The following PCAT7 variants were observed in gnomAD, a reference collection of about 807,000 sequenced individuals.
PCAT7 encodes the protein prostate cancer associated transcript 7.
At position 94,566,323 on chromosome 9, in the gene PCAT7, G is replaced by C. The variant is rs560472855; in HGVS notation, n.442-6656G>C. On this transcript the variant is annotated intron_variant and non_coding_transcript_variant, in intron 2 of 8. Transcript: ENST00000647389. ...GAAGGTTTTGGGTTTACCGGAATGA[G>C]GGCAAGGAACACCTGGCCCGCCCAG... is the stretch of plus-strand genomic sequence containing the variant. 5.3e-4 allele frequency among the ~76,000 whole-genome samples: 80 copies of C among 152,352 alleles called. 1 individual carries two copies. In the South Asian group the frequency reaches 9.5e-3, roughly 18 times the overall value.
chr9:94,567,139 C>G, intron 2 of PCAT7: 2 of 832,024 alleles, frequency 2.4e-6, no homozygotes, highest in East Asian at 2.4e-5. Context: ...CAGAGTCCAT[C>G]ATCTTCATAC....
intron 1 of PCAT7, among the ~76,000 whole-genome samples, chr9:94,557,588 C>T (rs1827029849): frequency 6.6e-6 from 1 of 152,194 alleles, no homozygotes; most frequent in African/African-American, 2.4e-5. Flanking sequence ...CTGTATGCCC[C>T]ACCCTGCCCA....
At chr9:94,556,184 G>A (rs1464259396) in intron 1 of PCAT7, among the ~76,000 whole-genome samples, 1 of 151,108 alleles carries the variant, frequency 6.6e-6, no homozygotes, top group Admixed American at 6.6e-5. Context: ...CAGCAGTAGG[G>A]AAAAGGCTTT....
intron 2 of PCAT7, chr9:94,567,655 A>C (rs1406017707): frequency 4.5e-6 from 2 of 448,352 alleles, no homozygotes; most frequent in African/African-American, 3.9e-5. Context: ...GAAGCAGCCC[A>C]TAGTCTTCTT....
chr9:94,561,713 A>G (rs1827107201), intron 2 of PCAT7, among the ~76,000 whole-genome samples: 1 of 152,200 alleles, frequency 6.6e-6, no homozygotes, highest in South Asian at 2.1e-4. Context: ...ATACAGATGC[A>G]GACACACACA....
upstream of PCAT7, among the ~76,000 whole-genome samples, chr9:94,554,623 C>T (rs1237562125): frequency 6.7e-6 from 1 of 149,638 alleles, no homozygotes; most frequent in African/African-American, 2.4e-5. Context: ...CCAACCGCAG[C>T]GAGGCGAGCC....
intron 2 of PCAT7, chr9:94,570,091 TCTGTC>T (rs1477208410): frequency 6.6e-6 from 1 of 152,208 alleles, no homozygotes; most frequent in African/African-American, 2.4e-5. Flanking sequence ...ATCTCTTCCT[TCTGTC>T]ATGTTGACAA....
chr9:94,567,163 A>G, intron 2 of PCAT7: 1 of 1,139,586 alleles, frequency 8.8e-7, no homozygotes, highest in Non-Finnish European at 1.3e-6. Context: ...CCACAGCCAT[A>G]AACAGTGGCA....
At chr9:94,568,041 T>C (rs1827218063) in intron 2 of PCAT7, 1 of 149,708 alleles carries the variant, frequency 6.7e-6, no homozygotes, top group African/African-American at 2.5e-5. Context: ...GGCAGGAGAA[T>C]GGTGTGAACC....
chr9:94,563,460 T>C, intron 2 of PCAT7: 1 of 1,612,906 alleles, frequency 6.2e-7, no homozygotes, highest in Admixed American at 1.7e-5. Flanking sequence ...AGCACTGCCA[T>C]CCTAGAAGAC....
At chr9:94,564,001 G>A (rs1051595057) in intron 2 of PCAT7, among the ~76,000 whole-genome samples, 1 of 152,140 alleles carries the variant, frequency 6.6e-6, no homozygotes, top group African/African-American at 2.4e-5. Flanking sequence ...AGTCCTTAGA[G>A]ACCTTCAAAG....
chr9:94,571,628 T>C (rs747245526), intron 2 of PCAT7: 2 of 1,596,082 alleles, frequency 1.3e-6, no homozygotes, highest in Non-Finnish European at 1.7e-6. Flanking sequence ...ATAAATGCCA[T>C]GTGTTATTGT....
intron 2 of PCAT7, chr9:94,559,171 T>A (rs770942662): frequency 6.4e-7 from 1 of 1,574,662 alleles, no homozygotes; most frequent in Admixed American, 1.7e-5. Context: ...ACTCTGCAAG[T>A]GGCCAAATGT....
chr9:94,568,205 A>G (rs768770824), intron 2 of PCAT7: 1 of 152,036 alleles, frequency 6.6e-6, no homozygotes, highest in Non-Finnish European at 1.5e-5. Context: ...AGTTTCTGGT[A>G]TCCCACTCTT....
At chr9:94,573,436 T>C (rs1184606680) in intron 3 of PCAT7, among the ~76,000 whole-genome samples, 1 of 152,196 alleles carries the variant, frequency 6.6e-6, no homozygotes, top group African/African-American at 2.4e-5. Flanking sequence ...AGCTAATGTC[T>C]TTTTTGAGAT....
At chr9:94,559,842 G>A (rs1184436778) in intron 2 of PCAT7, among the ~76,000 whole-genome samples, 8 of 152,034 alleles carry the variant, frequency 5.3e-5, no homozygotes, top group Non-Finnish European at 8.8e-5. Context: ...CAGTAGTGCC[G>A]ACACAGAGAA....
At chr9:94,558,827 A>G in intron 1 of PCAT7, 1 of 991,964 alleles carries the variant, frequency 1.0e-6, no homozygotes, top group South Asian at 1.4e-5. Flanking sequence ...GTATGTGATT[A>G]AGTGGATTTA....
At position 94,570,127 on chromosome 9, in the gene PCAT7, CCA is replaced by C. The variant is rs538448106; in HGVS notation, n.442-2851_442-2850del. The C allele has an allele frequency of 4.6e-5, 7 of 152,346 alleles. No homozygotes were observed. In the East Asian group the frequency reaches 1.2e-3, roughly 25 times the overall value. 9.4% of individuals were successfully genotyped at this position (152,346 alleles called of 1,614,324 possible). On this transcript the variant is annotated intron_variant and non_coding_transcript_variant, in intron 2 of 8. Coordinates refer to ENST00000647389, the Ensembl canonical transcript of PCAT7. ...GACAAGCTCTGGTGCCCACCTATGT[CCA>C]GACTGGGCCCTGCTTTCATGACTGA...
intron 2 of PCAT7, chr9:94,568,771 G>A (rs931734351): frequency 1.3e-5 from 2 of 152,148 alleles, no homozygotes; most frequent in Non-Finnish European, 2.9e-5. Context: ...AGTGACAACT[G>A]CTTCTATATC....
Sources: gnomAD v4.1 joint callset for allele counts (sites outside exome capture counted in the v4.1 genomes callset) on GRCh38, gnomAD v4.1.1 for gene constraint, MANE v1.5 for transcripts, NCBI Gene and HGNC (gene_info 2026-07-23, HGNC 2026-07-21) for gene names.